GALNT14: variants seen among roughly 807,000 people sequenced by gnomAD.
The protein encoded by GALNT14 is UDP-GalNAc:polypeptide N-acetylgalactosaminyltransferase 14.
A neutral mutation model predicts 77.5 loss-of-function variants in GALNT14; 60 were observed. The observed-to-expected ratio is 0.77, with a 90% CI of 0.63 to 0.96. The LOEUF is 0.96. Ranked by LOEUF, GALNT14 falls within the 40% of genes least tolerant of loss-of-function variation. GALNT14 has a pLI of 0.00. For missense variants in GALNT14, 710 were observed against 731.0 expected (o/e 0.97, Z 0.33); for synonymous variants, 280 against 281.7 (o/e 0.99, Z 0.06).
At chr2:31,076,248 A>T (rs1260734976) in intron 1 of GALNT14, among the ~76,000 whole-genome samples, 1 of 152,170 alleles carries the variant, frequency 6.6e-6, no homozygotes, top group Non-Finnish European at 1.5e-5. Context: ...TCCTTCTAAC[A>T]AGTCTTCAAG....
At chr2:30,959,030 C>T (rs1412149207) in intron 3 of GALNT14, among the ~76,000 whole-genome samples, 1 of 152,258 alleles carries the variant, frequency 6.6e-6, no homozygotes, top group East Asian at 1.9e-4. Flanking sequence ...GAAGCTGGCC[C>T]ACATTTCCCC....
intron 1 of GALNT14, among the ~76,000 whole-genome samples, chr2:31,015,815 A>G (rs933711460): frequency 6.6e-6 from 1 of 152,250 alleles, no homozygotes; most frequent in African/African-American, 2.4e-5. Context: ...TGTCAAGGTC[A>G]CGTAAGACAA....
Position 30,992,881 on chromosome 2 carries a change from G to C in GALNT14, c.256C>G (p.Arg86Gly), listed in dbSNP as rs143970227. ...GGGATGGCCCGATTGCTGGAGATCC[G>C]CTCACTCTCCCGCTGGTTGAAAGCA... ...LYAFNQRESERISSNRAIPDT... is the reference protein window; with the variant it reads ...LYAFNQRESEGISSNRAIPDT... Residue 86 changes from arginine to glycine, a missense_variant, in exon 2 of 15, where the codon CGG becomes GGG. By Grantham distance (125) the Arg-to-Gly change is moderately radical. Coordinates refer to ENST00000349752, the MANE Select transcript of GALNT14 (RefSeq NM_024572.4). The C allele has an allele frequency of 6.2e-7, 1 of 1,614,084 alleles. No homozygotes were observed. Among genetic ancestry groups the C allele is most frequent in the South Asian group, 1.1e-5 (1 of 91,066 alleles).
intron 13 of GALNT14, among the ~76,000 whole-genome samples, chr2:30,919,247 C>T (rs1468810707): frequency 2.0e-5 from 3 of 152,164 alleles, no homozygotes; most frequent in Admixed American, 1.3e-4. Flanking sequence ...ATGTATTTCT[C>T]TCGCATTTCA....
chr2:30,897,493 A>G, the GALNT14 span, among the ~76,000 whole-genome samples: 3 of 152,236 alleles, frequency 2.0e-5, no homozygotes, highest in East Asian at 5.8e-4. Context: ...GGGTCAGACC[A>G]GAAGTTTCTA....
At chr2:30,946,619 C>T (rs1447614425) in intron 6 of GALNT14, among the ~76,000 whole-genome samples, 3 of 152,124 alleles carry the variant, frequency 2.0e-5, no homozygotes, top group Non-Finnish European at 4.4e-5. Flanking sequence ...CCAATGAAAC[C>T]TCATTTCTTC....
At chr2:30,931,366 A>G (rs1665715407) in intron 10 of GALNT14, among the ~76,000 whole-genome samples, 1 of 152,212 alleles carries the variant, frequency 6.6e-6, no homozygotes, top group Non-Finnish European at 1.5e-5. Flanking sequence ...CAAGAGGAAA[A>G]GATGGAAAGA....
At chr2:30,898,531 G>A in the GALNT14 span, among the ~76,000 whole-genome samples, 2 of 152,302 alleles carry the variant, frequency 1.3e-5, no homozygotes, top group South Asian at 4.1e-4. Context: ...CCTTCACAGA[G>A]GAGAAAAATT....
chr2:31,072,209 G>C (rs1675424222), intron 1 of GALNT14, among the ~76,000 whole-genome samples: 1 of 151,256 alleles, frequency 6.6e-6, no homozygotes. Context: ...TGTCTTCCTG[G>C]CATCCAGTCA....
chr2:31,133,578 G>A (rs1438158213), intron 1 of GALNT14, among the ~76,000 whole-genome samples: 2 of 152,082 alleles, frequency 1.3e-5, no homozygotes, highest in African/African-American at 2.4e-5. Flanking sequence ...TTACCCTCAG[G>A]CCTACAATTC....
intron 1 of GALNT14, among the ~76,000 whole-genome samples, chr2:31,089,249 A>G (rs1173331310): frequency 6.6e-6 from 1 of 152,100 alleles, no homozygotes; most frequent in Non-Finnish European, 1.5e-5. Flanking sequence ...TTGAAGTAGG[A>G]TTTAGGCATG....
At chr2:30,924,620 C>T (rs1665248059) in intron 12 of GALNT14, 120 bp downstream of exon 12, 3 of 769,400 alleles carry the variant, frequency 3.9e-6, no homozygotes, top group Non-Finnish European at 6.5e-6. Flanking sequence ...GGTCTTCTTA[C>T]ACCTCTGATA....
At chr2:31,030,339 G>GA (rs1419980769) in intron 1 of GALNT14, among the ~76,000 whole-genome samples, 26 of 150,452 alleles carry the variant, frequency 1.7e-4, no homozygotes, top group Admixed American at 2.0e-4. Flanking sequence ...GGGCTGGATG[G>GA]AAAAAAAAAT....
At chr2:31,057,167 C>G (rs2148531775) in intron 1 of GALNT14, among the ~76,000 whole-genome samples, 1 of 151,786 alleles carries the variant, frequency 6.6e-6, no homozygotes, top group African/African-American at 2.4e-5. Context: ...GGTTGAAAAA[C>G]TAACTATTCG....
At chr2:31,000,969 G>T (rs548389139) in intron 1 of GALNT14, among the ~76,000 whole-genome samples, 1 of 152,160 alleles carries the variant, frequency 6.6e-6, no homozygotes, top group Non-Finnish European at 1.5e-5. Flanking sequence ...TTTCAAATGA[G>T]GAAAGTGAGG....
intron 1 of GALNT14, among the ~76,000 whole-genome samples, chr2:31,033,775 G>A (rs560595908): frequency 2.0e-5 from 3 of 151,670 alleles, no homozygotes; most frequent in Non-Finnish European, 4.4e-5. Flanking sequence ...TGATGCCCAC[G>A]TGTTAGTTCT....
chr2:31,101,481 A>C (rs983135268), intron 1 of GALNT14, among the ~76,000 whole-genome samples: 2 of 145,748 alleles, frequency 1.4e-5, no homozygotes, highest in Non-Finnish European at 3.0e-5. Context: ...ATACCTATTT[A>C]AATTTTTTAA....
chr2:31,058,346 G>A (rs1039018770), intron 1 of GALNT14, among the ~76,000 whole-genome samples: 4 of 152,106 alleles, frequency 2.6e-5, no homozygotes, highest in Admixed American at 6.5e-5. Flanking sequence ...TGCGTCAAGC[G>A]GAGAGCAGGG....
chr2:31,004,380 C>T (rs1670546294), intron 1 of GALNT14, among the ~76,000 whole-genome samples: 1 of 152,294 alleles, frequency 6.6e-6, no homozygotes, highest in African/African-American at 2.4e-5. Context: ...AACCAGTACC[C>T]AGGAGAGTCC....
Sources: allele counts gnomAD v4.1 joint callset (sites outside exome capture counted in the v4.1 genomes callset), GRCh38; gene constraint gnomAD v4.1.1; transcripts MANE v1.5; gene names NCBI Gene and HGNC (gene_info 2026-07-23, HGNC 2026-07-21).